The following FAM135A variants were observed in gnomAD, a reference collection of about 807,000 sequenced individuals.
The protein encoded by FAM135A is protein FAM135A.
Under a neutral mutation model 146.8 loss-of-function variants are expected in FAM135A, and 79 were observed. That is an observed-to-expected ratio of 0.54 (90% confidence interval 0.45 to 0.65). The LOEUF is 0.65. Ranked by LOEUF, FAM135A falls within the 30% of genes least tolerant of loss-of-function variation. FAM135A has a pLI of 0.00. For synonymous variants in FAM135A, 562 were observed against 603.6 expected (o/e 0.93, Z 1.01); for missense variants, 1,623 against 1,758.2 (o/e 0.92, Z 1.38).
At chr6:70,473,941 GC>G (rs1782106477) in intron 5 of FAM135A, among the ~76,000 whole-genome samples, 1 of 152,162 alleles carries the variant, frequency 6.6e-6, no homozygotes, top group Non-Finnish European at 1.5e-5. Context: ...AGCCTGAGGT[GC>G]CTTCCCTTGT....
chr6:70,508,671 T>C (rs956982775), intron 12 of FAM135A, among the ~76,000 whole-genome samples: 1 of 152,182 alleles, frequency 6.6e-6, no homozygotes, highest in Non-Finnish European at 1.5e-5. Flanking sequence ...AGAGACATGA[T>C]GGTTACATCA....
Position 70,528,546 on chromosome 6 carries a change from AAG to A in FAM135A, c.3775+96_3775+97del. 4 of 1,150,432 alleles carry A rather than the reference AAG, an allele frequency of 3.5e-6. No individual in the cohort carries two copies. In the South Asian group the frequency reaches 1.2e-4, roughly 35 times the overall value. 71.3% of individuals were successfully genotyped at this position (1,150,432 alleles called of 1,614,324 possible). Reference sequence around the variant, plus strand: ...TTTCATTTAGTCTTTGAACTAAAAAAAGATTTTTTAATTGCTTAAATTAATTG... The same window carrying A: ...TTTCATTTAGTCTTTGAACTAAAAAAATTTTTTAATTGCTTAAATTAATTG... On this transcript the variant is annotated intron_variant, in intron 16 of 21. Transcript: ENST00000418814.
intron 20 of FAM135A, among the ~76,000 whole-genome samples, chr6:70,552,465 CTTTTTTT>C (rs35509125): frequency 1.0e-5 from 1 of 96,832 alleles, no homozygotes; most frequent in Admixed American, 1.1e-4. Context: ...GTTGAAGATT[CTTTTTTT>C]TTTTTTTTTT....
intron 4 of FAM135A, among the ~76,000 whole-genome samples, chr6:70,447,269 T>G (rs1183316083): frequency 2.0e-5 from 3 of 152,248 alleles, no homozygotes; most frequent in Non-Finnish European, 2.9e-5. Flanking sequence ...ATCCTCCTGT[T>G]TGTTTAATTT....
rs1344624929 is a variant in FAM135A, at chr6:70,545,707, G to A, written c.4228+7306G>A. Among the ~76,000 whole-genome samples the A allele has an allele frequency of 5.3e-5, 8 of 152,278 alleles. No individual in the cohort carries two copies. In the East Asian group the frequency reaches 1.5e-3, roughly 29 times the overall value. ...AAAAATAATAATAGCTAATACACAT[G>A]TAACATTTACCACGTTCTAGGTGTG... On this transcript the variant is annotated intron_variant, in intron 20 of 21. Transcript: ENST00000418814.
chr6:70,500,851 G>A (rs1463346153), intron 11 of FAM135A, among the ~76,000 whole-genome samples: 1 of 152,152 alleles, frequency 6.6e-6, no homozygotes, highest in Non-Finnish European at 1.5e-5. Flanking sequence ...CCTTCCTCTG[G>A]TAGCTTCATC....
intron 4 of FAM135A, among the ~76,000 whole-genome samples, chr6:70,442,738 A>C (rs1166249484): frequency 3.9e-5 from 4 of 102,656 alleles, no homozygotes; most frequent in Admixed American, 1.9e-4. Context: ...ATCATATCCC[A>C]AAAAAAAAGA....
Position 70,413,674 on chromosome 6 carries a change from G to T in FAM135A, c.-248G>T. 2.5e-6 allele frequency: 1 copy of T among 401,456 alleles called. No homozygotes were observed. The highest frequency in any genetic ancestry group is 3.4e-6 in the Non-Finnish European group (1 of 295,588). 24.9% of individuals were successfully genotyped at this position (401,456 alleles called of 1,614,324 possible). On this transcript the variant is annotated 5_prime_UTR_variant, in exon 1 of 22. Coordinates refer to ENST00000418814, the MANE Select transcript of FAM135A (RefSeq NM_001162529.3). Reference sequence around the variant, plus strand: ...GACAACGAGCTCCTCCGTTCGACAGGCGGGGGAAGAGGCCGAGCCGGGCGA... The same window carrying T: ...GACAACGAGCTCCTCCGTTCGACAGTCGGGGGAAGAGGCCGAGCCGGGCGA...
At chr6:70,497,561 CCTTGT>C (rs1314610739) in intron 11 of FAM135A, among the ~76,000 whole-genome samples, 1 of 152,158 alleles carries the variant, frequency 6.6e-6, no homozygotes, top group Non-Finnish European at 1.5e-5. Context: ...GAGAGGGCAT[CCTTGT>C]CTTGTGCCAG....
intron 4 of FAM135A, among the ~76,000 whole-genome samples, chr6:70,438,841 CA>C (rs1439929511): frequency 6.6e-6 from 1 of 152,170 alleles, no homozygotes; most frequent in Non-Finnish European, 1.5e-5. Context: ...GTTATAGCCA[CA>C]GTGCATGATA....
intron 5 of FAM135A, among the ~76,000 whole-genome samples, chr6:70,458,132 G>C (rs899110130): frequency 6.8e-6 from 1 of 146,402 alleles, no homozygotes. Flanking sequence ...AATATTATCT[G>C]TGTATTTTTT....
chr6:70,542,276 A>ACACACACACACACACACACCCC (rs1242891663), intron 20 of FAM135A, among the ~76,000 whole-genome samples: 4 of 149,014 alleles, frequency 2.7e-5, no homozygotes, highest in African/African-American at 9.9e-5. Flanking sequence ...ACACACACAC[A>ACACACACACACACACACACCCC]CCCTTTGCTG....
chr6:70,522,421 G>GT, intron 12 of FAM135A, 92 bp from the exon 13 acceptor site: 1 of 1,015,204 alleles, frequency 9.9e-7, no homozygotes, highest in Non-Finnish European at 1.5e-6. Flanking sequence ...TGTGGAAGGC[G>GT]TAATGGAGGC....
chr6:70,493,372 G>A (rs2128224022), intron 11 of FAM135A, among the ~76,000 whole-genome samples: 1 of 151,992 alleles, frequency 6.6e-6, no homozygotes, highest in South Asian at 2.1e-4. Flanking sequence ...TTTGTAAAGG[G>A]GAATTTTCTT....
intron 4 of FAM135A, among the ~76,000 whole-genome samples, chr6:70,446,802 G>A (rs1453627576): frequency 1.3e-5 from 2 of 152,178 alleles, no homozygotes; most frequent in Admixed American, 6.5e-5. Context: ...GTTACTCATT[G>A]TGACAGGTTT....
chr6:70,559,788 G>A lies in FAM135A; in HGVS notation c.4415G>A (p.Arg1472His), dbSNP rs764330783. The A allele has an allele frequency of 2.5e-6, 4 of 1,613,946 alleles. No homozygotes were observed. The highest frequency in any genetic ancestry group is 1.1e-5 in the South Asian group (1 of 91,090). The part of the protein sequence containing the change: ...VLQSKDCNLV[R>H]YNVINALPNT... ...CAAAGCAAGGACTGTAATTTGGTTC[G>A]CTATAATGTCATCAATGCATTGCCC... The change falls in exon 22 of 22, where the codon CGC (arginine) becomes CAC (histidine). Residue 1472 changes from arginine to histidine, a missense_variant. Around this residue, in one of 7 missense-constraint regions of FAM135A, gnomAD observed 138 missense variants for 174.1 expected, o/e 0.79. Coordinates refer to ENST00000418814, the MANE Select transcript of FAM135A (RefSeq NM_001162529.3).
At chr6:70,478,918 CAA>C (rs927369147) in intron 8 of FAM135A, among the ~76,000 whole-genome samples, 2 of 152,022 alleles carry the variant, frequency 1.3e-5, no homozygotes, top group African/African-American at 2.4e-5. Context: ...ACTTTTCTAA[CAA>C]AGTGTGTTTT....
intron 18 of FAM135A, among the ~76,000 whole-genome samples, chr6:70,534,094 T>C (rs1448486847): frequency 6.6e-6 from 1 of 151,796 alleles, no homozygotes; most frequent in Non-Finnish European, 1.5e-5. Context: ...TGGGGGATGG[T>C]GGGGATAACT....
Position 70,477,223 on chromosome 6 carries a change from C to G in FAM135A, c.433C>G (p.His145Asp). 1 of 1,613,640 alleles carries G rather than the reference C, an allele frequency of 6.2e-7. No homozygotes were observed. The highest frequency in any genetic ancestry group is 8.5e-7 in the Non-Finnish European group (1 of 1,179,728). The change falls in exon 8 of 22, where the codon CAT (histidine) becomes GAT (aspartate). Residue 145 changes from histidine to aspartate, a missense_variant. By Grantham distance (81) the His-to-Asp change is moderately conservative. Transcript: ENST00000418814. ...SRTLKLHFSP[H>D]RGLHHHVNVM... is the part of the protein sequence containing the mutation. ...AACATTGAAGCTGCACTTTAGCCCCCATAGAGGCCTTCATCATCATGTTAA... is the reference window on the plus strand; with the variant it reads ...AACATTGAAGCTGCACTTTAGCCCCGATAGAGGCCTTCATCATCATGTTAA...
Sources: gnomAD v4.1 joint callset for allele counts (sites outside exome capture counted in the v4.1 genomes callset) on GRCh38, gnomAD v4.1.1 for gene constraint, gnomAD v4.1.1 regional missense constraint, MANE v1.5 for transcripts, NCBI Gene and HGNC (gene_info 2026-07-23, HGNC 2026-07-21) for gene names.